ANKMY1: variants seen among roughly 807,000 people sequenced by gnomAD.
ANKMY1 encodes ankyrin repeat and MYND domain-containing protein 1.
Under a neutral mutation model 102.0 loss-of-function variants are expected in ANKMY1, and 98 were observed. The ratio of observed to expected loss-of-function variants is 0.96; its 90% CI spans 0.82 to 1.14. The LOEUF (loss-of-function observed/expected upper bound fraction) is 1.14. Among genes scored for constraint, ANKMY1 ranks in the 50% most tolerant of loss-of-function variants. The probability of loss-of-function intolerance (pLI) is 0.00; values close to 1 mark genes in which losing one functional copy is unlikely to be tolerated. For missense variants in ANKMY1, 1,330 were observed against 1,347.6 expected, an observed-to-expected ratio of 0.99 and a Z score of 0.20; for synonymous variants, 582 against 559.9, an observed-to-expected ratio of 1.04 and a Z score of -0.56.
At chr2:240,475,459 T>A (rs2074791269), downstream of ANKMY1, among the ~76,000 whole-genome samples, 3 of 151,932 alleles carry the variant, frequency 2.0e-5, no homozygotes, top group Admixed American at 2.0e-4. Flanking sequence ...AGGTAAAAGA[T>A]CCTTGCTTAA....
At chr2:240,538,561 CCA>C (rs2087608319) in intron 4 of ANKMY1, among the ~76,000 whole-genome samples, 1 of 152,166 alleles carries the variant, frequency 6.6e-6, no homozygotes, top group Non-Finnish European at 1.5e-5. Context: ...CCGAGCGCCC[CCA>C]CCTCCTGCAC....
intron 17 of ANKMY1, among the ~76,000 whole-genome samples, chr2:240,480,673 TG>T (rs2151826046): frequency 6.6e-6 from 1 of 152,280 alleles, no homozygotes; most frequent in East Asian, 1.9e-4. Context: ...CAGGGGTCCA[TG>T]TTCCAGCTCT....
intron 15 of ANKMY1, among the ~76,000 whole-genome samples, chr2:240,486,855 G>A (rs1197396669): frequency 6.6e-6 from 1 of 152,032 alleles, no homozygotes; most frequent in Non-Finnish European, 1.5e-5. Context: ...ACTGTCTTGA[G>A]TCTCCTCTAA....
chr2:240,507,452 T>A, intron 13 of ANKMY1, 108 bp downstream of exon 13: 4 of 952,352 alleles, frequency 4.2e-6, no homozygotes, highest in Non-Finnish European at 5.2e-6. Flanking sequence ...GGCCACCCAC[T>A]CCCCTCCCCG....
intron 3 of ANKMY1, chr2:240,554,267 G>A (rs1215599384): frequency 1.3e-5 from 2 of 152,344 alleles, no homozygotes; most frequent in Non-Finnish European, 2.9e-5. Flanking sequence ...TCTTTCCCAG[G>A]GGTGTTTGAT....
intron 1 of ANKMY1, 43 bp from the exon 2 acceptor site, chr2:240,557,395 C>T (rs761112961): frequency 2.8e-6 from 4 of 1,411,798 alleles, no homozygotes; most frequent in Non-Finnish European, 9.3e-7. Flanking sequence ...CCAGGGCTCC[C>T]GCCGCGAACT....
Position 240,524,195 on chromosome 2 carries a change from G to T in ANKMY1, c.1522C>A (p.Gln508Lys). 6.2e-7 allele frequency: 1 copy of T among 1,613,874 alleles called. No homozygotes were observed. Among genetic ancestry groups the T allele is most frequent in the Non-Finnish European group, 8.5e-7 (1 of 1,180,030 alleles). The change falls in exon 8 of 18, where the codon CAG (glutamine) becomes AAG (lysine). Residue 508 changes from glutamine to lysine, a missense_variant. By Grantham distance (53) the Gln-to-Lys change is moderately conservative. Transcript: ENST00000401804. ...HEGGHFQDTG[Q>K]CGGSIDHRSS... ...CTGTGGTCTATGGACCCCCCACACTGCCCGGTGTCCTGGAAGTGGCCGCCC... is the reference window on the plus strand; with the variant it reads ...CTGTGGTCTATGGACCCCCCACACTTCCCGGTGTCCTGGAAGTGGCCGCCC...
chr2:240,560,600 G>C (rs2092890951), upstream of ANKMY1: 3 of 1,331,644 alleles, frequency 2.3e-6, no homozygotes, highest in South Asian at 5.7e-5. Context: ...GGCCCGCCCG[G>C]CTCCCACAAA....
At position 240,557,978 on chromosome 2, in the gene ANKMY1, C is replaced by A; in HGVS notation, c.-115G>T. ...GCTCCCGTCCCGACTGCTTGCCAGC[C>A]CTGCGCCTACGGAGAGCGTCGCGTT... On this transcript the variant is annotated 5_prime_UTR_variant, in exon 1 of 18. Transcript: ENST00000401804. The A allele has an allele frequency of 2.0e-6, 2 of 985,612 alleles. No homozygotes were observed. The allele number at this position is 985,612 out of a possible 1,614,324, so 61.1% of individuals were successfully genotyped here.
chr2:240,512,082 C>T, intron 10 of ANKMY1, 81 bp from the exon 11 acceptor site: 1 of 1,434,696 alleles, frequency 7.0e-7, no homozygotes, highest in Non-Finnish European at 9.1e-7. Flanking sequence ...AGGGAGCTTC[C>T]TCCCCAGCCT....
intron 8 of ANKMY1, among the ~76,000 whole-genome samples, chr2:240,521,215 C>T (rs2082178971): frequency 6.6e-6 from 1 of 152,106 alleles, no homozygotes; most frequent in African/African-American, 2.4e-5. Flanking sequence ...GCCAAGCCCA[C>T]TGGCCCTGCA....
chr2:240,500,337 G>A (rs971315687), intron 14 of ANKMY1, 115 bp downstream of exon 14: 10 of 1,240,274 alleles, frequency 8.1e-6, no homozygotes, highest in Admixed American at 4.5e-5. Flanking sequence ...CTGCTCTGGG[G>A]GCGGCGCTAG....
At chr2:240,557,785 G>A in intron 1 of ANKMY1, 96 bp downstream of exon 1, 1 of 824,582 alleles carries the variant, frequency 1.2e-6, no homozygotes, top group East Asian at 1.2e-4. Context: ...CCTGGGGTGG[G>A]GACCGCGAGC....
At chr2:240,558,494 C>T (rs1021410240), upstream of ANKMY1, 6 of 152,436 alleles carry the variant, frequency 3.9e-5, no homozygotes, top group Non-Finnish European at 8.8e-5. Context: ...CGGGGAAGGA[C>T]TGCAGGAGAG....
intron 2 of ANKMY1, chr2:240,555,335 C>T (rs773877834): frequency 2.9e-5 from 13 of 446,668 alleles, no homozygotes; most frequent in South Asian, 6.5e-5. Flanking sequence ...CTGTCCAGCC[C>T]GGGCCTGCTG....
At chr2:240,479,369 G>A (rs1198148944), downstream of ANKMY1, 3 of 577,240 alleles carry the variant, frequency 5.2e-6, no homozygotes, top group African/African-American at 3.7e-5. Context: ...AGGCAGGCAC[G>A]GGCTCCACAA....
intron 4 of ANKMY1, among the ~76,000 whole-genome samples, chr2:240,547,972 G>C (rs1030348785): frequency 1.1e-4 from 14 of 126,766 alleles, no homozygotes; most frequent in Admixed American, 2.3e-4. Flanking sequence ...GAAGCTATTC[G>C]AATCAATAAA....
chr2:240,552,868 C>T (rs986649118), intron 4 of ANKMY1, 46 bp downstream of exon 4: 2 of 1,612,530 alleles, frequency 1.2e-6, no homozygotes, highest in Non-Finnish European at 8.5e-7. Context: ...GGCTTAGACA[C>T]ACACAGCCAC....
chr2:240,543,844 A>T (rs116013188), intron 4 of ANKMY1, among the ~76,000 whole-genome samples: 3 of 152,276 alleles, frequency 2.0e-5, no homozygotes, highest in African/African-American at 7.2e-5. Context: ...AAAGGTTATG[A>T]TATGGGGAAA....
Sources: gnomAD v4.1 joint callset for allele counts (sites outside exome capture counted in the v4.1 genomes callset) on GRCh38, gnomAD v4.1.1 for gene constraint, MANE v1.5 for transcripts, NCBI Gene and HGNC (gene_info 2026-07-23, HGNC 2026-07-21) for gene names.